SMARCA5: variants seen among roughly 807,000 people sequenced by gnomAD.
SMARCA5 encodes the protein SWI/SNF-related matrix-associated actin-dependent regulator of chromatin subfamily A member 5.
A neutral mutation model predicts 140.4 loss-of-function variants in SMARCA5; 18 were observed. That is an observed-to-expected ratio of 0.13 (90% confidence interval 0.09 to 0.19). The LOEUF (loss-of-function observed/expected upper bound fraction) is 0.19. Ranked by LOEUF, SMARCA5 falls within the 10% of genes least tolerant of loss-of-function variation. The pLI, the probability that SMARCA5 is intolerant of heterozygous loss-of-function variation, is 1.00. For synonymous variants in SMARCA5, 449 were observed against 419.6 expected, an observed-to-expected ratio of 1.07 and a Z score of -0.86; for missense variants, 606 against 1,276.8, an observed-to-expected ratio of 0.47 and a Z score of 8.01.
chr4:143,527,695 T>C (rs533187247), intron 6 of SMARCA5, among the ~76,000 whole-genome samples, 173 bp from the exon 7 acceptor site: 4 of 152,356 alleles, frequency 2.6e-5, no homozygotes, highest in African/African-American at 9.6e-5. Context: ...AAATGATTAA[T>C]GACGTTACTT....
At chr4:143,544,612 AC>A in intron 16 of SMARCA5, 124 bp from the exon 17 acceptor site, 1 of 585,376 alleles carries the variant, frequency 1.7e-6, no homozygotes, top group South Asian at 2.2e-5. Flanking sequence ...CATAGTCTCC[AC>A]CCTCATAGAG....
chr4:143,547,333 A>G, intron 20 of SMARCA5, 52 bp from the exon 21 acceptor site: 1 of 958,156 alleles, frequency 1.0e-6, no homozygotes, highest in South Asian at 1.5e-5. Flanking sequence ...TTTTTTTTAC[A>G]TTAAAGAAAT....
In SMARCA5 at chr4:143,521,584, A is replaced by G. The variant is rs762494336; in HGVS notation, c.408A>G (p.Leu136=). 3.4e-5 allele frequency: 55 copies of G among 1,611,654 alleles called. No individual in the cohort carries two copies. In the South Asian group the frequency reaches 5.6e-4, roughly 17 times the overall value. Reference sequence around the variant, plus strand: ...AAAAAGATGAGAAGCAGAACTTACTATCCGTTGGCGAGTGAGTAATAGTTT... The same window carrying G: ...AAAAAGATGAGAAGCAGAACTTACTGTCCGTTGGCGAGTGAGTAATAGTTT... ...RIKKDEKQNL[L]SVGDYRHRRT... is the part of the protein sequence containing the mutation. Residue 136 remains leucine, a synonymous_variant, in exon 3 of 24, where the codon CTA becomes CTG. Coordinates refer to ENST00000283131, the MANE Select transcript of SMARCA5 (RefSeq NM_003601.4).
rs142603659 is a variant in SMARCA5 at position 143,536,632 on chromosome 4, C to T, written c.1449C>T (p.Gly483=). Residue 483 remains glycine, a synonymous_variant, in exon 11 of 24, where the codon GGC becomes GGT. Transcript: ENST00000283131. ...ATATGCATCTAGTAACCAACAGTGG[C>T]AAAATGGTGGTTTTAGACAAGCTGC... ...TTDMHLVTNS[G]KMVVLDKLLP... is the part of the protein sequence containing the mutation. 6.2e-7 allele frequency: 1 copy of T among 1,613,408 alleles called. No individual in the cohort carries two copies. Among genetic ancestry groups the T allele is most frequent in the African/African-American group, 1.3e-5 (1 of 74,834 alleles).
At chr4:143,534,632 C>T (rs887779472) in intron 9 of SMARCA5, among the ~76,000 whole-genome samples, 3 of 152,006 alleles carry the variant, frequency 2.0e-5, no homozygotes, top group African/African-American at 7.2e-5. Flanking sequence ...TTATAATGGA[C>T]TCGAGCATTT....
intron 23 of SMARCA5, 115 bp downstream of exon 23, chr4:143,550,219 C>T: frequency 4.8e-6 from 2 of 416,668 alleles, no homozygotes; most frequent in Non-Finnish European, 4.1e-6. Flanking sequence ...CCCTCCATTG[C>T]CTTTACTTTT....
intron 7 of SMARCA5, 130 bp from the exon 8 acceptor site, chr4:143,528,452 AT>A (rs1383827993): frequency 4.5e-6 from 3 of 669,514 alleles, no homozygotes; most frequent in Non-Finnish European, 7.5e-6. Context: ...CTATTCGCTG[AT>A]GTATATGTGC....
chr4:143,547,511 G>C lies in SMARCA5; in HGVS notation c.2772+8G>C. Reference sequence around the variant, plus strand: ...AAAGCACTTGACACAAAGGTAATTTGCTTGTTAATAAGTTAGGTAGTTAAT... The same window carrying C: ...AAAGCACTTGACACAAAGGTAATTTCCTTGTTAATAAGTTAGGTAGTTAAT... On this transcript the variant is annotated splice_region_variant and intron_variant, in intron 21 of 23. Coordinates refer to ENST00000283131, the MANE Select transcript of SMARCA5 (RefSeq NM_003601.4). 1 of 1,439,036 alleles carries C rather than the reference G, an allele frequency of 6.9e-7. No individual in the cohort carries two copies. The highest frequency in any genetic ancestry group is 9.8e-7 in the Non-Finnish European group (1 of 1,022,076). 89.1% of individuals were successfully genotyped at this position (1,439,036 alleles called of 1,614,324 possible).
chr4:143,540,177 C>T (rs1737400675), intron 13 of SMARCA5, among the ~76,000 whole-genome samples, 186 bp from the exon 14 acceptor site: 1 of 152,146 alleles, frequency 6.6e-6, no homozygotes, highest in Admixed American at 6.5e-5. Flanking sequence ...TGTTTGGAGA[C>T]ATTATGTGTT....
chr4:143,552,393 G>A (rs1737656832), intron 23 of SMARCA5, among the ~76,000 whole-genome samples: 1 of 151,842 alleles, frequency 6.6e-6, no homozygotes, highest in East Asian at 1.9e-4. Context: ...TCTTTCTCTC[G>A]TCTGATTGCT....
At chr4:143,514,603 T>C (rs1463482946) in intron 1 of SMARCA5, 1 of 154,168 alleles carries the variant, frequency 6.5e-6, no homozygotes, top group Non-Finnish European at 1.4e-5. Flanking sequence ...GCAGGGGCGG[T>C]ATCTGTTGTG....
intron 6 of SMARCA5, 79 bp from the exon 7 acceptor site, chr4:143,527,789 A>G (rs2149819076): frequency 2.5e-6 from 3 of 1,219,666 alleles, no homozygotes; most frequent in South Asian, 2.8e-5. Flanking sequence ...CTCTTTTTAT[A>G]TACTAGATTA....
Position 143,555,141 on chromosome 4 carries a change from T to G in SMARCA5, c.*1957T>G, listed in dbSNP as rs752939235. ...CTACTGGAACTGCCTTAACCACTAC[T>G]GCTACTGGAACTGCCTTAGCCACCT... On this transcript the variant is annotated 3_prime_UTR_variant, in exon 24 of 24. Coordinates refer to ENST00000283131, the MANE Select transcript of SMARCA5 (RefSeq NM_003601.4). 5.7e-6 allele frequency: 4 copies of G among 701,690 alleles called. No individual in the cohort carries two copies. Among genetic ancestry groups the G allele is most frequent in the Non-Finnish European group, 1.1e-5 (4 of 378,518 alleles). The allele number at this position is 701,690 out of a possible 1,614,324, so 43.5% of individuals were successfully genotyped here. A position where few individuals can be genotyped will look rare whatever the true frequency, so the allele number is the denominator to read the frequency against.
intron 13 of SMARCA5, among the ~76,000 whole-genome samples, chr4:143,539,644 C>A (rs1386349872): frequency 6.6e-6 from 1 of 150,966 alleles, no homozygotes; most frequent in Non-Finnish European, 1.5e-5. Context: ...TGAAGTGATT[C>A]TCCTGCCTCA....
At chr4:143,524,294 CTA>C in intron 3 of SMARCA5, 71 bp from the exon 4 acceptor site, 3 of 1,003,608 alleles carry the variant, frequency 3.0e-6, no homozygotes, top group Non-Finnish European at 4.4e-6. Context: ...AGCCACTTGA[CTA>C]TGATGTTTAA....
chr4:143,552,151 A>T (rs976426732), intron 23 of SMARCA5, among the ~76,000 whole-genome samples: 1 of 151,824 alleles, frequency 6.6e-6, no homozygotes, highest in African/African-American at 2.4e-5. Context: ...ATTTTATTTC[A>T]CGTGTAATTA....
chr4:143,550,179 G>T, intron 23 of SMARCA5, 75 bp downstream of exon 23: 1 of 719,442 alleles, frequency 1.4e-6, no homozygotes, highest in Non-Finnish European at 2.2e-6. Flanking sequence ...CTGCTTGGCT[G>T]TCATTGATGT....
At chr4:143,541,738 C>T (rs1416880863) in intron 14 of SMARCA5, among the ~76,000 whole-genome samples, 1 of 152,184 alleles carries the variant, frequency 6.6e-6, no homozygotes, top group Non-Finnish European at 1.5e-5. Context: ...GAGGCTGCCA[C>T]CCCGTGATGT....
chr4:143,543,319 C>T (rs1456481676), intron 14 of SMARCA5, among the ~76,000 whole-genome samples, 190 bp from the exon 15 acceptor site: 1 of 152,114 alleles, frequency 6.6e-6, no homozygotes, highest in Non-Finnish European at 1.5e-5. Context: ...TGTTTTGTAG[C>T]TTACCAACTG....
Sources: allele counts gnomAD v4.1 joint callset (sites outside exome capture counted in the v4.1 genomes callset), GRCh38; gene constraint gnomAD v4.1.1; transcripts MANE v1.5; gene names NCBI Gene and HGNC (gene_info 2026-07-23, HGNC 2026-07-21).